EYS: variants seen among roughly 807,000 people sequenced by gnomAD.
EYS encodes the protein EGF-like photoreceptor maintenance factor.
EYS carries 250 observed loss-of-function variants against 282.1 expected under a neutral mutation model. The ratio of observed to expected loss-of-function variants is 0.89; its 90% CI spans 0.80 to 0.98. EYS has a LOEUF of 0.98. EYS is among the 50% of genes least tolerant of loss of function. The pLI is 0.00. For synonymous variants in EYS, 1,355 were observed against 1,282.9 expected, an observed-to-expected ratio of 1.06 and a Z score of -1.20; for missense variants, 4,016 against 3,709.0, an observed-to-expected ratio of 1.08 and a Z score of -2.15.
intron 31 of EYS, among the ~76,000 whole-genome samples, chr6:64,230,357 A>G (rs1260798970): frequency 2.6e-5 from 4 of 152,224 alleles, no homozygotes; most frequent in Admixed American, 6.5e-5. Flanking sequence ...TCTATTTTAT[A>G]TGGCAATTGG....
intron 22 of EYS, among the ~76,000 whole-genome samples, chr6:64,788,833 C>T (rs2149998797): frequency 6.6e-6 from 1 of 152,160 alleles, no homozygotes; most frequent in South Asian, 2.1e-4. Context: ...GTCCTTGTCT[C>T]TTCTTTGCTT....
At chr6:64,891,346 A>G (rs1767287344) in intron 18 of EYS, among the ~76,000 whole-genome samples, 1 of 152,012 alleles carries the variant, frequency 6.6e-6, no homozygotes, top group Admixed American at 6.6e-5. Flanking sequence ...TTTCCCAGAA[A>G]AATTTAAATG....
chr6:65,011,526 C>A (rs935209592), intron 13 of EYS, among the ~76,000 whole-genome samples: 3 of 152,156 alleles, frequency 2.0e-5, no homozygotes, highest in African/African-American at 7.2e-5. Flanking sequence ...ACACCCCTCC[C>A]GAGGAAATCT....
At chr6:65,504,264 G>C (rs1766568976) in intron 2 of EYS, among the ~76,000 whole-genome samples, 1 of 151,566 alleles carries the variant, frequency 6.6e-6, no homozygotes, top group African/African-American at 2.4e-5. Flanking sequence ...TGTTACAGGG[G>C]AAAGCAGTTG....
chr6:65,177,283 C>T (rs1327830714), intron 12 of EYS, among the ~76,000 whole-genome samples: 1 of 151,830 alleles, frequency 6.6e-6, no homozygotes, highest in Non-Finnish European at 1.5e-5. Context: ...TGTAAATTAT[C>T]AAATTGGCCA....
intron 14 of EYS, among the ~76,000 whole-genome samples, chr6:64,985,094 C>T (rs1037926100): frequency 1.3e-5 from 2 of 151,320 alleles, no homozygotes; most frequent in Non-Finnish European, 3.0e-5. Flanking sequence ...TAGGACAAGC[C>T]TTATATGAAT....
At chr6:65,177,781 G>A (rs1303509809) in intron 12 of EYS, among the ~76,000 whole-genome samples, 1 of 151,512 alleles carries the variant, frequency 6.6e-6, no homozygotes. Context: ...TAATTATTTG[G>A]AGTCATTTCC....
intron 15 of EYS, among the ~76,000 whole-genome samples, chr6:64,924,006 G>A (rs1768434418): frequency 6.6e-6 from 1 of 152,154 alleles, no homozygotes; most frequent in South Asian, 2.1e-4. Flanking sequence ...CCACTAGGTG[G>A]TGCCCCAGTA....
intron 12 of EYS, among the ~76,000 whole-genome samples, chr6:65,213,042 C>A (rs1209217915): frequency 6.7e-6 from 1 of 149,966 alleles, no homozygotes; most frequent in Admixed American, 6.6e-5. Flanking sequence ...TTTTTTTTTC[C>A]TTTGATGTAG....
intron 26 of EYS, among the ~76,000 whole-genome samples, chr6:64,569,320 A>G (rs2149816243): frequency 6.6e-6 from 1 of 152,102 alleles, no homozygotes; most frequent in African/African-American, 2.4e-5. Context: ...GAGCTGAAAA[A>G]CACAGCACAA....
At chr6:64,775,124 A>G (rs544348806) in intron 22 of EYS, among the ~76,000 whole-genome samples, 1 of 152,076 alleles carries the variant, frequency 6.6e-6, no homozygotes, top group South Asian at 2.1e-4. Flanking sequence ...TGAAAACCTT[A>G]CGACTGTTTA....
rs1293708933 is a variant in EYS, at chr6:63,958,299, GA to G, written c.7055+26083del. 1.4e-5 allele frequency among the ~76,000 whole-genome samples: 2 copies of G among 140,330 alleles called. 1 individual carries two copies. The highest frequency in any genetic ancestry group is 3.2e-5 in the Non-Finnish European group (2 of 61,698). 92.1% of individuals were successfully genotyped at this position (140,330 alleles called of 152,430 possible). ...TATATACTCTACAAGTGACAAAAGA[GA>G]AAAAATAATATAAATACAGATTATG... On this transcript the variant is annotated intron_variant, in intron 35 of 42. Coordinates refer to ENST00000503581, the MANE Select transcript of EYS (RefSeq NM_001142800.2).
chr6:65,442,774 A>T lies in EYS; in HGVS notation c.863-37407T>A, dbSNP rs186119541. On this transcript the variant is annotated intron_variant, in intron 5 of 42. Coordinates refer to ENST00000503581, the MANE Select transcript of EYS (RefSeq NM_001142800.2). ...ATCTCAAAAAATAAAAATAAAAAAT[A>T]AAAAATTAAAAAAAAATATATAGAC... Among the ~76,000 whole-genome samples the T allele has an allele frequency of 2.0e-3, 289 of 143,032 alleles. 14 individuals are homozygous for T. The highest frequency in any genetic ancestry group is 5.5e-3 in the African/African-American group (226 of 41,050). The allele number at this position is 143,032 out of a possible 152,430, so 93.8% of individuals were successfully genotyped here.
rs114812696 is a variant in EYS, at chr6:64,502,991, T to A, written c.5645-63639A>T. Among the ~76,000 whole-genome samples the A allele has an allele frequency of 6.6e-3, 1,012 of 152,302 alleles. 8 individuals are homozygous for A. The highest frequency in any genetic ancestry group is 0.023 in the African/African-American group (935 of 41,550). On this transcript the variant is annotated intron_variant, in intron 26 of 42. Transcript: ENST00000503581. Reference sequence around the variant, plus strand: ...TGATAGTTTTTAGATGAGCTTAACTTCCTTCCTCTTGCCAAATATGTTGTT... The same window carrying A: ...TGATAGTTTTTAGATGAGCTTAACTACCTTCCTCTTGCCAAATATGTTGTT...
At chr6:64,951,474 G>C (rs574848056) in intron 14 of EYS, among the ~76,000 whole-genome samples, 1 of 151,978 alleles carries the variant, frequency 6.6e-6, no homozygotes, top group South Asian at 2.1e-4. Context: ...ACAAATGTCT[G>C]CCATTCAATA....
chr6:64,044,270 T>C (rs1755656651), intron 33 of EYS, among the ~76,000 whole-genome samples: 1 of 152,266 alleles, frequency 6.6e-6, no homozygotes, highest in African/African-American at 2.4e-5. Context: ...AATAATTCCA[T>C]TAATTAACAG....
chr6:64,052,295 C>G (rs1462147836), intron 33 of EYS, among the ~76,000 whole-genome samples: 1 of 152,266 alleles, frequency 6.6e-6, no homozygotes, highest in African/African-American at 2.4e-5. Context: ...CTTAGACATA[C>G]TTTTGAGCAA....
At chr6:65,484,529 C>A (rs1013821758) in intron 5 of EYS, among the ~76,000 whole-genome samples, 11 of 152,078 alleles carry the variant, frequency 7.2e-5, no homozygotes, top group Non-Finnish European at 1.3e-4. Context: ...ATCAATCATT[C>A]AAAGACAGCT....
intron 8 of EYS, among the ~76,000 whole-genome samples, chr6:65,368,400 C>T (rs1241030908): frequency 6.6e-6 from 1 of 151,622 alleles, no homozygotes. Flanking sequence ...TATTAATCTT[C>T]TCAGTTGAAC....
Sources: gnomAD v4.1 joint callset for allele counts (sites outside exome capture counted in the v4.1 genomes callset) on GRCh38, gnomAD v4.1.1 for gene constraint, MANE v1.5 for transcripts, NCBI Gene and HGNC (gene_info 2026-07-23, HGNC 2026-07-21) for gene names.